Variants in GALNT2 observed in about 807,000 individuals in gnomAD.
The protein encoded by GALNT2 is UDP-GalNAc:polypeptide N-acetylgalactosaminyltransferase 2.
Under a neutral mutation model 81.4 loss-of-function variants are expected in GALNT2, and 31 were observed. The observed-to-expected ratio is 0.38, with a 90% CI of 0.29 to 0.51. The LOEUF (loss-of-function observed/expected upper bound fraction) is 0.51. Among genes scored for constraint, GALNT2 ranks in the 20% least tolerant of loss-of-function variants. GALNT2 has a pLI of 0.87. For synonymous variants in GALNT2, 303 were observed against 287.4 expected (o/e 1.05, Z -0.55); for missense variants, 629 against 765.7 (o/e 0.82, Z 2.11).
At chr1:230,196,729 A>T (rs911263241) in intron 2 of GALNT2, among the ~76,000 whole-genome samples, 4 of 152,072 alleles carry the variant, frequency 2.6e-5, no homozygotes, top group African/African-American at 9.7e-5. Flanking sequence ...ATCCCCACTG[A>T]GCAGGAGAAG....
At chr1:230,082,602 T>A (rs967691254) in intron 1 of GALNT2, among the ~76,000 whole-genome samples, 1 of 152,250 alleles carries the variant, frequency 6.6e-6, no homozygotes, top group African/African-American at 2.4e-5. Flanking sequence ...CATTTATTTA[T>A]TTCGGGAAGG....
At chr1:230,157,166 A>G (rs1025041187) in intron 1 of GALNT2, among the ~76,000 whole-genome samples, 3 of 152,248 alleles carry the variant, frequency 2.0e-5, no homozygotes, top group African/African-American at 7.2e-5. Flanking sequence ...CAGAGAAAAC[A>G]TTGGAACTTA....
chr1:230,198,045 G>T (rs764070609), intron 2 of GALNT2, among the ~76,000 whole-genome samples: 27 of 152,244 alleles, frequency 1.8e-4, no homozygotes, highest in Non-Finnish European at 3.1e-4. Context: ...ATATGCGGCT[G>T]TATCGGCACG....
chr1:230,172,268 A>G (rs947249759), intron 1 of GALNT2, among the ~76,000 whole-genome samples: 2 of 152,092 alleles, frequency 1.3e-5, no homozygotes, highest in East Asian at 1.9e-4. Flanking sequence ...TTGGGAGGAC[A>G]CTTAAGCAGC....
intron 1 of GALNT2, among the ~76,000 whole-genome samples, chr1:230,100,310 C>CTTTTTTTTTTTT (rs573478928): frequency 1.2e-5 from 1 of 85,776 alleles, no homozygotes; most frequent in African/African-American, 5.1e-5. Context: ...CTTTTTATTC[C>CTTTTTTTTTTTT]TTTTTTTTTT....
At chr1:230,273,878 A>G (rs7533085) in intron 14 of GALNT2, among the ~76,000 whole-genome samples, 14,523 of 152,208 alleles carry the variant, frequency 0.095, 1,057 homozygotes, top group African/African-American at 0.19. Flanking sequence ...CTATTCCTCC[A>G]GTTTTCAGAG....
At chr1:230,124,106 C>G (rs940653132) in intron 1 of GALNT2, among the ~76,000 whole-genome samples, 3 of 152,074 alleles carry the variant, frequency 2.0e-5, no homozygotes, top group Admixed American at 6.5e-5. Flanking sequence ...GTGCCTGGCT[C>G]AACTTTAAAA....
At chr1:230,140,163 A>G (rs1157194548) in intron 1 of GALNT2, among the ~76,000 whole-genome samples, 1 of 152,162 alleles carries the variant, frequency 6.6e-6, no homozygotes, top group Non-Finnish European at 1.5e-5. Context: ...TCGGCTTTTT[A>G]ATGGCCAGCT....
chr1:230,165,663 A>T (rs1295328581), intron 1 of GALNT2, among the ~76,000 whole-genome samples: 7 of 152,248 alleles, frequency 4.6e-5, no homozygotes, highest in Non-Finnish European at 5.9e-5. Flanking sequence ...GATAGTATGG[A>T]GAATGTCCCA....
chr1:230,096,873 G>A (rs1398295262), intron 1 of GALNT2, among the ~76,000 whole-genome samples: 1 of 152,162 alleles, frequency 6.6e-6, no homozygotes, highest in African/African-American at 2.4e-5. Flanking sequence ...CTTCCCTTCA[G>A]CAACAGATGG....
intron 1 of GALNT2, among the ~76,000 whole-genome samples, chr1:230,104,548 G>A (rs1571966127): frequency 1.3e-5 from 2 of 152,224 alleles, no homozygotes; most frequent in South Asian, 2.1e-4. Context: ...AAATGCGGGA[G>A]GAGGGAAACA....
At chr1:230,230,716 A>C (rs189012718) in intron 3 of GALNT2, among the ~76,000 whole-genome samples, 1 of 152,236 alleles carries the variant, frequency 6.6e-6, no homozygotes, top group Non-Finnish European at 1.5e-5. Context: ...CTCTTCCGTG[A>C]TAGAATCCTG....
intron 1 of GALNT2, among the ~76,000 whole-genome samples, chr1:230,119,843 C>T (rs1002160284): frequency 6.6e-6 from 1 of 152,146 alleles, no homozygotes; most frequent in African/African-American, 2.4e-5. Context: ...TTCACATTTT[C>T]CCAGCTTTGG....
At chr1:230,170,480 A>G (rs894620525) in intron 1 of GALNT2, among the ~76,000 whole-genome samples, 1 of 152,234 alleles carries the variant, frequency 6.6e-6, no homozygotes, top group Non-Finnish European at 1.5e-5. Flanking sequence ...ATAAATGCAT[A>G]GATACCAGTG....
chr1:230,167,564 C>G (rs1662649795), intron 1 of GALNT2, among the ~76,000 whole-genome samples: 1 of 152,250 alleles, frequency 6.6e-6, no homozygotes, highest in South Asian at 2.1e-4. Flanking sequence ...GTGGCACCTA[C>G]TGGTGACAAG....
At chr1:230,261,531 G>C (rs1297922124) in intron 11 of GALNT2, among the ~76,000 whole-genome samples, 2 of 152,198 alleles carry the variant, frequency 1.3e-5, no homozygotes, top group Non-Finnish European at 2.9e-5. Flanking sequence ...GAGCAAAGAG[G>C]TTAGCTGTGT....
intron 1 of GALNT2, among the ~76,000 whole-genome samples, chr1:230,138,553 A>G (rs1238041723): frequency 6.6e-6 from 1 of 151,440 alleles, no homozygotes; most frequent in African/African-American, 2.4e-5. Flanking sequence ...AATGAAACAG[A>G]AGAAAGAATG....
intron 6 of GALNT2, among the ~76,000 whole-genome samples, chr1:230,241,804 G>T (rs1665210574): frequency 6.6e-6 from 1 of 152,172 alleles, no homozygotes; most frequent in South Asian, 2.1e-4. Flanking sequence ...TCCTATGTGT[G>T]GTCTTTCTGA....
chr1:230,170,081 T>G (rs970347509), intron 1 of GALNT2, among the ~76,000 whole-genome samples: 5 of 152,224 alleles, frequency 3.3e-5, no homozygotes, highest in Non-Finnish European at 7.3e-5. Flanking sequence ...CTTTCTGTCT[T>G]GTTCCTCACT....
Sources: gnomAD v4.1 joint callset for allele counts (sites outside exome capture counted in the v4.1 genomes callset) on GRCh38, gnomAD v4.1.1 for gene constraint, MANE v1.5 for transcripts, NCBI Gene and HGNC (gene_info 2026-07-23, HGNC 2026-07-21) for gene names.